The following ZNF385B variants were observed in gnomAD, a reference collection of about 807,000 sequenced individuals.
ZNF385B encodes zinc finger protein 385B.
Under a neutral mutation model 39.2 loss-of-function variants are expected in ZNF385B, and 23 were observed. The ratio of observed to expected loss-of-function variants is 0.59; its 90% CI spans 0.42 to 0.83. The LOEUF (loss-of-function observed/expected upper bound fraction) is 0.83. Among genes scored for constraint, ZNF385B ranks in the 40% least tolerant of loss-of-function variants. The pLI is 0.00. For missense variants in ZNF385B, 552 were observed against 598.9 expected (o/e 0.92, Z 0.82); for synonymous variants, 205 against 222.6 (o/e 0.92, Z 0.70).
At chr2:179,699,872 C>T (rs572933760) in intron 3 of ZNF385B, among the ~76,000 whole-genome samples, 16 of 152,062 alleles carry the variant, frequency 1.1e-4, no homozygotes, top group Non-Finnish European at 1.9e-4. Flanking sequence ...AAGAAATAAA[C>T]GAGGAAGAAA....
At chr2:179,517,221 C>A (rs1359918148) in intron 5 of ZNF385B, among the ~76,000 whole-genome samples, 1 of 151,790 alleles carries the variant, frequency 6.6e-6, no homozygotes, top group African/African-American at 2.4e-5. Context: ...TTTGACTATT[C>A]TAGGGCTTTT....
chr2:179,795,073 A>C (rs1418142075), intron 1 of ZNF385B, among the ~76,000 whole-genome samples: 1 of 152,144 alleles, frequency 6.6e-6, no homozygotes, highest in Non-Finnish European at 1.5e-5. Context: ...GCAAGTGAAA[A>C]ATGTTTTCTA....
intron 3 of ZNF385B, among the ~76,000 whole-genome samples, chr2:179,565,938 A>G (rs1326453959): frequency 6.6e-6 from 1 of 152,172 alleles, no homozygotes; most frequent in African/African-American, 2.4e-5. Context: ...TTGATTGTGT[A>G]TTACTTGTGC....
chr2:179,632,558 A>G (rs1179660831), intron 3 of ZNF385B, among the ~76,000 whole-genome samples: 2 of 152,250 alleles, frequency 1.3e-5, no homozygotes, highest in South Asian at 2.1e-4. Context: ...AGCAGTGTGT[A>G]GAGGGAAATT....
chr2:179,645,904 G>A (rs544520449), intron 3 of ZNF385B, among the ~76,000 whole-genome samples: 1 of 152,252 alleles, frequency 6.6e-6, no homozygotes, highest in Non-Finnish European at 1.5e-5. Context: ...TCTCTCTGTA[G>A]AGGTCAAAGG....
intron 3 of ZNF385B, among the ~76,000 whole-genome samples, chr2:179,561,054 C>T (rs1559480704): frequency 6.6e-6 from 1 of 152,200 alleles, no homozygotes; most frequent in African/African-American, 2.4e-5. Flanking sequence ...GGAAATTCAT[C>T]ATTGTGTCCT....
intron 5 of ZNF385B, among the ~76,000 whole-genome samples, chr2:179,516,471 A>T (rs922346727): frequency 6.6e-6 from 1 of 152,044 alleles, no homozygotes; most frequent in Non-Finnish European, 1.5e-5. Context: ...AATTTTCACC[A>T]TTCTAATAGG....
At chr2:179,544,132 T>A in intron 4 of ZNF385B, among the ~76,000 whole-genome samples, 1 of 152,218 alleles carries the variant, frequency 6.6e-6, no homozygotes, top group Non-Finnish European at 1.5e-5. Context: ...TGCTAAATTA[T>A]ATTGTTGAAA....
chr2:179,813,835 T>C (rs1012834316), intron 1 of ZNF385B, among the ~76,000 whole-genome samples: 1 of 152,152 alleles, frequency 6.6e-6, no homozygotes, highest in Non-Finnish European at 1.5e-5. Context: ...CATAAAACAG[T>C]ATACATCCTT....
At chr2:179,659,718 T>C (rs1297605931) in intron 3 of ZNF385B, among the ~76,000 whole-genome samples, 1 of 152,180 alleles carries the variant, frequency 6.6e-6, no homozygotes, top group East Asian at 1.9e-4. Flanking sequence ...TTTAACAACA[T>C]ATAGACGTCC....
intron 3 of ZNF385B, among the ~76,000 whole-genome samples, chr2:179,630,703 G>T (rs1245558512): frequency 6.6e-6 from 1 of 152,156 alleles, no homozygotes; most frequent in Non-Finnish European, 1.5e-5. Flanking sequence ...GCTTCAGAAG[G>T]TCGGTCATAA....
chr2:179,847,716 C>T (rs1708869912), intron 1 of ZNF385B, among the ~76,000 whole-genome samples: 1 of 152,118 alleles, frequency 6.6e-6, no homozygotes. Context: ...CACAGGGCCG[C>T]ATGGATGGAT....
chr2:179,823,887 T>G (rs568572272), intron 1 of ZNF385B, among the ~76,000 whole-genome samples: 3 of 152,158 alleles, frequency 2.0e-5, no homozygotes, highest in Non-Finnish European at 4.4e-5. Flanking sequence ...CAGTTAGAAT[T>G]GTTTTTGGTT....
chr2:179,494,640 A>T (rs558840927), intron 5 of ZNF385B, among the ~76,000 whole-genome samples: 282 of 152,208 alleles, frequency 1.9e-3, no homozygotes, highest in African/African-American at 6.6e-3. Flanking sequence ...TAAAACAATT[A>T]CGTAGTTAAA....
intron 4 of ZNF385B, 44 bp downstream of exon 4, chr2:179,544,783 T>C (rs2060123771): frequency 2.5e-6 from 4 of 1,611,334 alleles, no homozygotes; most frequent in Non-Finnish European, 2.5e-6. Context: ...TGTAATGAAA[T>C]TGATGGAGGA....
chr2:179,530,117 CA>C (rs2059165509), intron 4 of ZNF385B, among the ~76,000 whole-genome samples: 1 of 152,030 alleles, frequency 6.6e-6, no homozygotes, highest in Non-Finnish European at 1.5e-5. Context: ...AAGGACAGGC[CA>C]AATATCTGAG....
intron 3 of ZNF385B, among the ~76,000 whole-genome samples, chr2:179,611,590 T>C (rs1365834268): frequency 6.6e-6 from 1 of 152,202 alleles, no homozygotes; most frequent in Non-Finnish European, 1.5e-5. Flanking sequence ...TCCTCCTATT[T>C]GTTTTGAATA....
intron 1 of ZNF385B, among the ~76,000 whole-genome samples, chr2:179,797,165 T>C (rs1705718434): frequency 1.3e-5 from 2 of 152,138 alleles, no homozygotes; most frequent in Non-Finnish European, 2.9e-5. Context: ...TTAAGTACAC[T>C]TTTATTTAAA....
chr2:179,454,345 G>C (rs2050460181), intron 6 of ZNF385B, among the ~76,000 whole-genome samples: 1 of 152,148 alleles, frequency 6.6e-6, no homozygotes, highest in African/African-American at 2.4e-5. Context: ...GGTGATTCTG[G>C]TGTGAACAAA....
Sources: allele counts gnomAD v4.1 joint callset (sites outside exome capture counted in the v4.1 genomes callset), GRCh38; gene constraint gnomAD v4.1.1; transcripts MANE v1.5; gene names NCBI Gene and HGNC (gene_info 2026-07-23, HGNC 2026-07-21).